The following CLCA2 variants were observed in gnomAD, a reference collection of about 807,000 sequenced individuals.
CLCA2 encodes calcium-activated chloride channel regulator 2.
Under a neutral mutation model 82.9 loss-of-function variants are expected in CLCA2, and 85 were observed. That is an observed-to-expected ratio of 1.03 (90% CI 0.86 to 1.23). The LOEUF (loss-of-function observed/expected upper bound fraction) is 1.23, where lower values mean the gene tolerates loss of function less well. Ranked by LOEUF, CLCA2 falls within the 50% of genes most tolerant of loss-of-function variation. CLCA2 has a pLI of 0.00. For missense variants in CLCA2, 1,089 were observed against 1,124.8 expected (o/e 0.97, Z 0.45); for synonymous variants, 421 against 391.7 (o/e 1.07, Z -0.88).
chr1:86,453,274 A>C, intron 12 of CLCA2, 95 bp from the exon 13 acceptor site: 1 of 841,926 alleles, frequency 1.2e-6, no homozygotes, highest in Non-Finnish European at 1.9e-6. Flanking sequence ...GTAGTAAAGA[A>C]AAAAAGGTTT....
Position 86,428,305 on chromosome 1 carries a change from A to C in CLCA2, c.325-113A>C, listed in dbSNP as rs115600599. 4.0e-3 allele frequency: 3,886 copies of C among 976,062 alleles called. 118 individuals are homozygous for C. In the African/African-American group the frequency reaches 0.059, roughly 15 times the overall value. 60.5% of individuals were successfully genotyped at this position (976,062 alleles called of 1,614,324 possible). A position where few individuals can be genotyped will look rare whatever the true frequency, so the allele number is the denominator to read the frequency against. On this transcript the variant is annotated intron_variant, in intron 2 of 13. Coordinates refer to ENST00000370565, the MANE Select transcript of CLCA2 (RefSeq NM_006536.7). ...TTTAAATTGGGTTATAATTACATAC[A>C]ATAAAATGCACACATCTTAAGTGTA...
intron 2 of CLCA2, among the ~76,000 whole-genome samples, chr1:86,426,460 T>C (rs1486985041): frequency 6.6e-6 from 1 of 152,104 alleles, no homozygotes; most frequent in East Asian, 1.9e-4. Context: ...CCCAATGTCC[T>C]GAAGAAGTTA....
chr1:86,455,065 T>G lies in CLCA2; in HGVS notation c.2390-20T>G, dbSNP rs1416843667. On this transcript the variant is annotated intron_variant, in intron 13 of 13. Transcript: ENST00000370565. ...TACTCAAAGTGACTTAATTTTCCTA[T>G]TTATATTTTTTAATTTCAGCTACAA... 1 of 1,394,940 alleles carries G rather than the reference T, an allele frequency of 7.2e-7. No individual in the cohort carries two copies. The highest frequency in any genetic ancestry group is 9.6e-7 in the Non-Finnish European group (1 of 1,038,378). 86.4% of individuals were successfully genotyped at this position (1,394,940 alleles called of 1,614,324 possible).
rs75697189 is a variant in CLCA2 at position 86,430,728 on chromosome 1, G to T, written c.476-134G>T. 4,244 of 695,198 alleles carry T rather than the reference G, an allele frequency of 6.1e-3. 145 individuals are homozygous for T. In the African/African-American group the frequency reaches 0.069, roughly 11 times the overall value. 43.1% of individuals were successfully genotyped at this position (695,198 alleles called of 1,614,324 possible). A position where few individuals can be genotyped will look rare whatever the true frequency, so the allele number is the denominator to read the frequency against. On this transcript the variant is annotated intron_variant, in intron 3 of 13. Coordinates refer to ENST00000370565, the MANE Select transcript of CLCA2 (RefSeq NM_006536.7). ...TAGGATAGGGGAGAGGAAAAGGGGA[G>T]AGAGGGAAGTAACTTAAACTCTTTG...
Position 86,434,649 on chromosome 1 carries a change from T to C in CLCA2, c.876T>C (p.Asn292=), listed in dbSNP as rs17449526. The change falls in exon 6 of 14, where the codon AAT becomes AAC. Residue 292 remains asparagine, a synonymous_variant. Coordinates refer to ENST00000370565, the MANE Select transcript of CLCA2 (RefSeq NM_006536.7). ...SADFHHSFPM[N]GTELPPPPTF... ...ACTTTCACCACAGCTTTCCCATGAATGGGACTGAGCTTCCACCTCCTCCCA... is the reference window on the plus strand; with the variant it reads ...ACTTTCACCACAGCTTTCCCATGAACGGGACTGAGCTTCCACCTCCTCCCA... 0.32 allele frequency: 518,275 copies of C among 1,613,074 alleles called. 85,645 individuals carry two copies. The highest frequency in any genetic ancestry group is 0.35 in the Admixed American group (21,124 of 59,990).
At chr1:86,454,187 T>G (rs1335103043) in intron 13 of CLCA2, among the ~76,000 whole-genome samples, 2 of 152,176 alleles carry the variant, frequency 1.3e-5, no homozygotes, top group Non-Finnish European at 2.9e-5. Flanking sequence ...TTTTCCAAAT[T>G]TTTTACCCAA....
In CLCA2 at chr1:86,434,671, C is replaced by A. The variant is rs2101696282; in HGVS notation, c.898C>A (p.Pro300Thr). Residue 300 changes from proline (P) to threonine (T), a missense_variant, in exon 6 of 14, where the codon CCC (proline) becomes ACC (threonine). Physicochemically the swap from Pro to Thr is conservative, Grantham distance 38 (BLOSUM62 -1). Transcript: ENST00000370565. ...GAATGGGACTGAGCTTCCACCTCCT[C>A]CCACATTCTCGCTTGTACAGGCTGG... is the stretch of plus-strand genomic sequence containing the variant. Reference protein sequence around the residue: ...PMNGTELPPPPTFSLVQAGDK... With the variant: ...PMNGTELPPPTTFSLVQAGDK... 6.2e-7 allele frequency: 1 copy of A among 1,614,130 alleles called. No homozygotes were observed. The highest frequency in any genetic ancestry group is 2.2e-5 in the East Asian group (1 of 44,880).
intron 13 of CLCA2, among the ~76,000 whole-genome samples, chr1:86,454,096 G>A (rs1279667663): frequency 1.3e-5 from 2 of 152,108 alleles, no homozygotes; most frequent in African/African-American, 4.8e-5. Context: ...TTCTCGCTTG[G>A]GTAAACATTG....
intron 2 of CLCA2, among the ~76,000 whole-genome samples, chr1:86,427,198 G>T (rs1416183212): frequency 6.6e-6 from 1 of 152,032 alleles, no homozygotes; most frequent in Admixed American, 6.6e-5. Context: ...GAATTACTGT[G>T]GTCTATAAGG....
At chr1:86,439,361 T>A (rs1469726382) in intron 7 of CLCA2, among the ~76,000 whole-genome samples, 1 of 152,206 alleles carries the variant, frequency 6.6e-6, no homozygotes, top group African/African-American at 2.4e-5. Flanking sequence ...AATAAATGAA[T>A]ACAATGGACG....
intron 9 of CLCA2, among the ~76,000 whole-genome samples, 172 bp downstream of exon 9, chr1:86,441,715 C>A (rs970312385): frequency 3.3e-5 from 5 of 152,196 alleles, no homozygotes; most frequent in Non-Finnish European, 5.9e-5. Context: ...AGGCTTTCAG[C>A]CCTAGGAGCC....
At position 86,455,239 on chromosome 1, in the gene CLCA2, T is replaced by G. The variant is rs768595973; in HGVS notation, c.2544T>G (p.Pro848=). The G allele has an allele frequency of 6.2e-7, 1 of 1,614,172 alleles. No individual in the cohort carries two copies. Among genetic ancestry groups the G allele is most frequent in the African/African-American group, 1.3e-5 (1 of 75,056 alleles). Reference sequence around the variant, plus strand: ...CACCCCAAATTTCCACGAATGGACCTGAACATCAGCCAAATGGAGAAACAC... The same window carrying G: ...CACCCCAAATTTCCACGAATGGACCGGAACATCAGCCAAATGGAGAAACAC... ...TFSPQISTNG[P]EHQPNGETHE... The change falls in exon 14 of 14, where the codon CCT becomes CCG. Residue 848 remains proline (P), a synonymous_variant. Transcript: ENST00000370565.
At position 86,453,612 on chromosome 1, in the gene CLCA2, C is replaced by T; in HGVS notation, c.2389+10C>T. The T allele has an allele frequency of 6.2e-7, 1 of 1,607,396 alleles. No homozygotes were observed. The highest frequency in any genetic ancestry group is 8.5e-7 in the Non-Finnish European group (1 of 1,175,348). On this transcript the variant is annotated intron_variant, in intron 13 of 13. Coordinates refer to ENST00000370565, the MANE Select transcript of CLCA2 (RefSeq NM_006536.7). ...TTTGATCAGGGCCAGGGTAGGTTTG[C>T]TCATTTCATTACCTATTTTTCCATA...
At chr1:86,428,324 A>G in intron 2 of CLCA2, 94 bp from the exon 3 acceptor site, 4 of 1,188,198 alleles carry the variant, frequency 3.4e-6, no homozygotes, top group Non-Finnish European at 4.6e-6. Context: ...CACACATCTT[A>G]AGTGTACAGT....
chr1:86,427,840 A>G (rs937556818), intron 2 of CLCA2, among the ~76,000 whole-genome samples: 4 of 152,318 alleles, frequency 2.6e-5, no homozygotes, highest in Non-Finnish European at 5.9e-5. Flanking sequence ...TGGTCAGGCC[A>G]TAAGATGAAA....
At chr1:86,432,574 T>C (rs750043636) in intron 5 of CLCA2, 46 bp downstream of exon 5, 1 of 1,575,812 alleles carries the variant, frequency 6.3e-7, no homozygotes, top group South Asian at 1.2e-5. Context: ...ATTCCTTCTC[T>C]TCCCATGTTT....
Position 86,430,410 on chromosome 1 carries a change from C to T in CLCA2, c.476-452C>T, listed in dbSNP as rs142559359. ...ACTATTGCTCTAGATAGAAGAATTA[C>T]CTGCAAGAAAAAAAGCAGGTCTGCT... is the stretch of plus-strand genomic sequence containing the variant. On this transcript the variant is annotated intron_variant, in intron 3 of 13. Coordinates refer to ENST00000370565, the MANE Select transcript of CLCA2 (RefSeq NM_006536.7). 1.8e-3 allele frequency among the ~76,000 whole-genome samples: 274 copies of T among 152,222 alleles called. 1 individual carries two copies. Among genetic ancestry groups the T allele is most frequent in the African/African-American group, 6.2e-3 (257 of 41,530 alleles).
chr1:86,447,167 C>G (rs979817688), intron 10 of CLCA2, among the ~76,000 whole-genome samples: 1 of 152,106 alleles, frequency 6.6e-6, no homozygotes, highest in Non-Finnish European at 1.5e-5. Flanking sequence ...GGAAGGGGCT[C>G]AGATTAATAT....
Position 86,428,552 on chromosome 1 carries a change from TG to T in CLCA2, c.461del (p.Gly154AlafsTer32). The T allele has an allele frequency of 6.2e-7, 1 of 1,613,400 alleles. No individual in the cohort carries two copies. Among genetic ancestry groups the T allele is most frequent in the Middle Eastern group, 1.7e-4 (1 of 6,058 alleles). ...TCCTACTGAATGATAACTTAACAGC[TG>T]GCTACGGATCACGAGGTAAGTGGGA... ...NFLLNDNLTA[G>X]YGSRGRVFVH... On this transcript the variant is annotated frameshift_variant, in exon 3 of 14. Coordinates refer to ENST00000370565, the MANE Select transcript of CLCA2 (RefSeq NM_006536.7). LOFTEE classifies it high-confidence loss of function.
Sources: allele counts gnomAD v4.1 joint callset (sites outside exome capture counted in the v4.1 genomes callset), GRCh38; gene constraint gnomAD v4.1.1; transcripts MANE v1.5; gene names NCBI Gene and HGNC (gene_info 2026-07-23, HGNC 2026-07-21).